Variants in TAF6 observed in about 807,000 individuals in gnomAD.
TAF6 encodes the protein transcription initiation factor TFIID subunit 6.
A neutral mutation model predicts 73.5 loss-of-function variants in TAF6; 50 were observed. The ratio of observed to expected loss-of-function variants is 0.68; its 90% CI spans 0.54 to 0.86. The LOEUF is 0.86. Ranked by LOEUF, TAF6 falls within the 40% of genes least tolerant of loss-of-function variation. TAF6 has a pLI of 0.00. For missense variants in TAF6, 768 were observed against 899.5 expected, an observed-to-expected ratio of 0.85 and a Z score of 1.87; for synonymous variants, 424 against 376.7, an observed-to-expected ratio of 1.13 and a Z score of -1.45.
chr7:100,119,430 C>G (rs1797950776), upstream of TAF6: 19 of 1,240,020 alleles, frequency 1.5e-5, no homozygotes, highest in South Asian at 2.8e-4. Flanking sequence ...AATAAGTCCT[C>G]TAGGCTCGCA....
chr7:100,122,212 G>C (rs749291757), upstream of TAF6: 37 of 1,609,824 alleles, frequency 2.3e-5, no homozygotes, highest in Admixed American at 4.8e-4. Flanking sequence ...TGAATGGCTG[G>C]TGTGTTTGTC....
At chr7:100,123,020 G>C, upstream of TAF6, 3 of 1,160,788 alleles carry the variant, frequency 2.6e-6, no homozygotes, top group Non-Finnish European at 3.6e-6. Flanking sequence ...GAAGGGGCCA[G>C]AGTGAGGACT....
At chr7:100,109,637 C>T (rs1486205324) in intron 12 of TAF6, among the ~76,000 whole-genome samples, 1 of 52,438 alleles carries the variant, frequency 1.9e-5, no homozygotes, top group East Asian at 8.3e-4. Flanking sequence ...GCTGGGACCA[C>T]AGACACGTCA....
At chr7:100,126,234 C>T in the TAF6 span, among the ~76,000 whole-genome samples, 1 of 151,972 alleles carries the variant, frequency 6.6e-6, no homozygotes. Flanking sequence ...CCCAGTTACT[C>T]GGGAGGCTGA....
Position 100,112,779 on chromosome 7 carries a change from C to T in TAF6, c.574+19G>A. The T allele has an allele frequency of 6.3e-7, 1 of 1,595,228 alleles. No homozygotes were observed. The highest frequency in any genetic ancestry group is 8.5e-7 in the Non-Finnish European group (1 of 1,170,220). On this transcript the variant is annotated intron_variant, in intron 6 of 14. Transcript: ENST00000453269. ...GCTTTGGGCAAGAGTCCAGAGAGGC[C>T]TAGCCTAGGAGGACTGACCTTTGCC... is the stretch of plus-strand genomic sequence containing the variant.
chr7:100,119,546 C>G, upstream of TAF6: 1 of 1,381,658 alleles, frequency 7.2e-7, no homozygotes, highest in Non-Finnish European at 9.6e-7. Flanking sequence ...GCTGCCAGGA[C>G]CTTCAAGAGG....
In TAF6 at chr7:100,109,941, C is replaced by T. The variant is rs199658075; in HGVS notation, c.1284+7G>A. The T allele has an allele frequency of 1.2e-5, 19 of 1,613,958 alleles. No homozygotes were observed. The East Asian group carries it at 3.6e-4, about 30-fold the overall frequency. ...TGGGCAGGTGTGGGGACAGGGGCTT[C>T]AGTCACCAGCAGGAGGCTCTGCACA... On this transcript the variant is annotated splice_region_variant and intron_variant, in intron 12 of 14. Coordinates refer to ENST00000453269, the MANE Select transcript of TAF6 (RefSeq NM_139315.3).
At chr7:100,117,149 G>A (rs929990583) in intron 1 of TAF6, among the ~76,000 whole-genome samples, 33 of 152,032 alleles carry the variant, frequency 2.2e-4, no homozygotes, top group Admixed American at 3.9e-4. Flanking sequence ...GGGAGGCTGA[G>A]GCAGGAGAAT....
upstream of TAF6, chr7:100,122,176 T>C (rs1434616387): frequency 1.4e-5 from 22 of 1,560,758 alleles, no homozygotes; most frequent in Non-Finnish European, 1.9e-5. Context: ...ACTTGTATGC[T>C]CTGCTGCCTC....
the TAF6 span, chr7:100,125,258 G>A: frequency 6.4e-4 from 130 of 202,658 alleles, 1 homozygote; most frequent in African/African-American, 2.9e-3. Context: ...TCTGTTTTTA[G>A]ACCCTTCCAA....
upstream of TAF6, chr7:100,119,764 G>C (rs1193521912): frequency 3.7e-6 from 6 of 1,614,168 alleles, no homozygotes; most frequent in Non-Finnish European, 5.1e-6. Context: ...GTGCGGTTGG[G>C]AATATTGCTT....
rs145585132 is a variant in TAF6, at chr7:100,111,874, C to T, written c.799-45G>A. 1.2e-5 allele frequency: 20 copies of T among 1,614,094 alleles called. No individual in the cohort carries two copies. The Admixed American group carries it at 3.2e-4, about 26-fold the overall frequency. On this transcript the variant is annotated intron_variant, in intron 8 of 14. Coordinates refer to ENST00000453269, the MANE Select transcript of TAF6 (RefSeq NM_139315.3). ...TGGGCATGGGGCAGGGAGACCCTCA[C>T]AGGAGCTTCCACTGCCGTCCCTGCA...
chr7:100,121,253 C>T (rs1478503461), upstream of TAF6: 3 of 149,040 alleles, frequency 2.0e-5, no homozygotes, highest in African/African-American at 7.4e-5. Flanking sequence ...ATTCTCCTGC[C>T]TCAGCCTCCC....
At position 100,111,292 on chromosome 7, in the gene TAF6, G is replaced by T; in HGVS notation, c.930C>A (p.Thr310=). 1 of 1,614,106 alleles carries T rather than the reference G, an allele frequency of 6.2e-7. No homozygotes were observed. The highest frequency in any genetic ancestry group is 2.2e-5 in the East Asian group (1 of 44,876). The part of the protein sequence containing the change: ...YVHELIPAVM[T]CIVSRQLCLR... Reference sequence around the variant, plus strand: ...GGCACAACTGTCTGCTCACGATGCAGGTCATCACAGCTGGAATCAGCTCAT... The same window carrying T: ...GGCACAACTGTCTGCTCACGATGCATGTCATCACAGCTGGAATCAGCTCAT... Residue 310 remains threonine, a synonymous_variant, in exon 10 of 15, where the codon ACC becomes ACA. Transcript: ENST00000453269.
intron 14 of TAF6, 51 bp from the exon 15 acceptor site, chr7:100,107,674 C>T: frequency 2.5e-6 from 4 of 1,591,336 alleles, no homozygotes; most frequent in Non-Finnish European, 3.4e-6. Flanking sequence ...CCCTGCCCCC[C>T]AGAGGCCTGG....
At chr7:100,117,813 C>T (rs1398097553) in intron 1 of TAF6, among the ~76,000 whole-genome samples, 8 of 151,178 alleles carry the variant, frequency 5.3e-5, no homozygotes, top group African/African-American at 1.7e-4. Flanking sequence ...GAGGCCGAGG[C>T]GGGCGGATCA....
chr7:100,119,521 T>C, upstream of TAF6: 3 of 1,337,494 alleles, frequency 2.2e-6, no homozygotes, highest in Non-Finnish European at 3.0e-6. Context: ...CTGCAATTTA[T>C]TCCTTCACTA....
chr7:100,126,266 C>T, the TAF6 span, among the ~76,000 whole-genome samples: 26 of 152,160 alleles, frequency 1.7e-4, no homozygotes, highest in Non-Finnish European at 3.1e-4. Context: ...CGCTTGAACC[C>T]AGGAGGCGGA....
At position 100,112,705 on chromosome 7, in the gene TAF6, ACT is replaced by A. The variant is rs1404624914; in HGVS notation, c.574+91_574+92del. 2.8e-5 allele frequency: 41 copies of A among 1,478,558 alleles called. 1 individual carries two copies. The highest frequency in any genetic ancestry group is 7.2e-5 in the East Asian group (3 of 41,626). 91.6% of individuals were successfully genotyped at this position (1,478,558 alleles called of 1,614,324 possible). A position where few individuals can be genotyped will look rare whatever the true frequency, so the allele number is the denominator to read the frequency against. On this transcript the variant is annotated intron_variant, in intron 6 of 14. Transcript: ENST00000453269. ...ACTCCAGCCTGGGTGACAGAGTGAGACTCTGTCTCAAAAACAAAAAAAAAGGA... is the reference window on the plus strand; with the variant it reads ...ACTCCAGCCTGGGTGACAGAGTGAGACTGTCTCAAAAACAAAAAAAAAGGA...
Sources: allele counts gnomAD v4.1 joint callset (sites outside exome capture counted in the v4.1 genomes callset), GRCh38; gene constraint gnomAD v4.1.1; transcripts MANE v1.5; gene names NCBI Gene and HGNC (gene_info 2026-07-23, HGNC 2026-07-21).